CYB5R4: variants seen among roughly 807,000 people sequenced by gnomAD.
CYB5R4 encodes the protein N-terminal cytochrome b5 and cytochrome b5 oxidoreductase domain-containing protein.
In CYB5R4, 55 loss-of-function variants were observed where a neutral mutation model predicts 70.2. That is an observed-to-expected ratio of 0.78 (90% confidence interval 0.63 to 0.98). The LOEUF is 0.98. CYB5R4 is among the 50% of genes least tolerant of loss of function. The pLI is 0.00. For missense variants in CYB5R4, 562 were observed against 612.6 expected (o/e 0.92, Z 0.87); for synonymous variants, 197 against 199.5 (o/e 0.99, Z 0.11).
intron 12 of CYB5R4, among the ~76,000 whole-genome samples, chr6:83,939,099 G>A (rs1421865124): frequency 6.6e-6 from 1 of 152,054 alleles, no homozygotes; most frequent in Non-Finnish European, 1.5e-5. Flanking sequence ...GCCTCCCGAA[G>A]TGCTGGGATT....
intron 14 of CYB5R4, among the ~76,000 whole-genome samples, chr6:83,944,014 C>G (rs560413594): frequency 6.6e-6 from 1 of 152,088 alleles, no homozygotes; most frequent in African/African-American, 2.4e-5. Flanking sequence ...AATACACTTC[C>G]GGATACTATC....
At chr6:83,934,862 A>T (rs760067118) in intron 11 of CYB5R4, 127 bp downstream of exon 11, 2 of 826,440 alleles carry the variant, frequency 2.4e-6, no homozygotes, top group Non-Finnish European at 3.6e-6. Flanking sequence ...AGATTTAGTG[A>T]TAGTCAGAAT....
intron 5 of CYB5R4, among the ~76,000 whole-genome samples, chr6:83,916,025 A>G (rs1216032852): frequency 1.3e-5 from 2 of 152,062 alleles, no homozygotes; most frequent in African/African-American, 4.8e-5. Flanking sequence ...AAATAATATT[A>G]TGTAAAGTTT....
rs2099473875 is a variant in CYB5R4 at position 83,965,212 on chromosome 6, G to C, written c.*5334G>C. Reference sequence around the variant, plus strand: ...CCCCAGAATGGTAGATCGACTTACAGCTTGTACCAGGTGCCTGGAAAAGCT... The same window carrying C: ...CCCCAGAATGGTAGATCGACTTACACCTTGTACCAGGTGCCTGGAAAAGCT... On this transcript the variant is annotated 3_prime_UTR_variant, in exon 16 of 16. Transcript: ENST00000369681. The C allele has an allele frequency of 6.6e-6, 1 of 152,296 alleles. No individual in the cohort carries two copies. The highest frequency in any genetic ancestry group is 2.1e-4 in the South Asian group (1 of 4,830). 9.4% of individuals were successfully genotyped at this position (152,296 alleles called of 1,614,324 possible). A position where few individuals can be genotyped will look rare whatever the true frequency, so the allele number is the denominator to read the frequency against.
At chr6:83,876,558 T>C (rs2099458591) in intron 2 of CYB5R4, among the ~76,000 whole-genome samples, 3 of 151,586 alleles carry the variant, frequency 2.0e-5, no homozygotes. Context: ...TGTATCAGTC[T>C]ACTTTCAAAT....
chr6:83,900,788 A>AC (rs2099462800), intron 3 of CYB5R4, among the ~76,000 whole-genome samples: 1 of 151,926 alleles, frequency 6.6e-6, no homozygotes, highest in Non-Finnish European at 1.5e-5. Flanking sequence ...TAGGATTGCA[A>AC]CCCCTGCCTT....
At chr6:83,949,437 T>C (rs1022510221) in intron 14 of CYB5R4, among the ~76,000 whole-genome samples, 1 of 152,222 alleles carries the variant, frequency 6.6e-6, no homozygotes, top group African/African-American at 2.4e-5. Flanking sequence ...CATCACTCTT[T>C]ACCATATCTT....
intron 5 of CYB5R4, among the ~76,000 whole-genome samples, chr6:83,915,336 A>C (rs554689475): frequency 6.6e-6 from 1 of 152,346 alleles, no homozygotes; most frequent in Admixed American, 6.5e-5. Context: ...TTGCCAGATG[A>C]GTTACCTTTT....
chr6:83,871,686 A>C lies in CYB5R4; in HGVS notation c.229+7358A>C, dbSNP rs181512594. Among the ~76,000 whole-genome samples, 17 of 152,236 alleles carry C rather than the reference A, an allele frequency of 1.1e-4. No individual in the cohort carries two copies. In the South Asian group the frequency reaches 1.2e-3, roughly 11 times the overall value. On this transcript the variant is annotated intron_variant, in intron 2 of 15. Transcript: ENST00000369681. ...TTTAAAAAAGGATATAGGGCTATTT[A>C]AATTTTCTCTTTACTTTTGTGTCAG... is the stretch of plus-strand genomic sequence containing the variant.
chr6:83,869,837 G>T (rs1446457252), intron 2 of CYB5R4, among the ~76,000 whole-genome samples: 1 of 151,250 alleles, frequency 6.6e-6, no homozygotes, highest in East Asian at 1.9e-4. Context: ...AAAAAAAAAA[G>T]TGTCTGTTTT....
chr6:83,899,253 A>G (rs1176810300), intron 3 of CYB5R4, among the ~76,000 whole-genome samples: 2 of 152,100 alleles, frequency 1.3e-5, no homozygotes, highest in Admixed American at 6.5e-5. Context: ...TTCTGTTTAT[A>G]TGCTGGATTA....
chr6:83,954,812 A>G (rs1350218832), intron 14 of CYB5R4, among the ~76,000 whole-genome samples: 1 of 152,042 alleles, frequency 6.6e-6, no homozygotes, highest in Non-Finnish European at 1.5e-5. Flanking sequence ...TCACTGGATC[A>G]AACGATCCTC....
chr6:83,925,381 G>C (rs1588578502), intron 10 of CYB5R4, among the ~76,000 whole-genome samples: 1 of 152,040 alleles, frequency 6.6e-6, no homozygotes, highest in South Asian at 2.1e-4. Flanking sequence ...TCCAACACTG[G>C]GGATTACAAT....
intron 1 of CYB5R4, 114 bp downstream of exon 1, chr6:83,859,971 C>G: frequency 2.0e-6 from 2 of 1,010,088 alleles, no homozygotes; most frequent in Non-Finnish European, 2.8e-6. Context: ...GCTGTCGTTC[C>G]CTGCTGTCCT....
intron 2 of CYB5R4, among the ~76,000 whole-genome samples, chr6:83,877,415 G>T (rs972521052): frequency 1.5e-4 from 23 of 152,008 alleles, no homozygotes; most frequent in Non-Finnish European, 1.6e-4. Flanking sequence ...AAGACAAAAG[G>T]TTTATTTGAC....
chr6:83,959,489 G>A (rs544098264), intron 15 of CYB5R4, among the ~76,000 whole-genome samples: 4 of 152,236 alleles, frequency 2.6e-5, no homozygotes, highest in South Asian at 2.1e-4. Context: ...GATGGAGTGG[G>A]GGTCTGGGGG....
In CYB5R4 at chr6:83,924,568, T is replaced by G. The variant is rs1381277425; in HGVS notation, c.790T>G (p.Ser264Ala). The G allele has an allele frequency of 2.5e-5, 41 of 1,613,428 alleles. No homozygotes were observed. Among genetic ancestry groups the G allele is most frequent in the Non-Finnish European group, 3.5e-5 (41 of 1,179,704 alleles). ...FLGHPLKNHNSLIPRKDTGLY... is the reference protein window; with the variant it reads ...FLGHPLKNHNALIPRKDTGLY... ...TGGCCATCCCCTGAAGAATCATAAT[T>G]CACTTATTCCAAGGAAAGATACAGG... Residue 264 changes from serine (S) to alanine (A), a missense_variant, in exon 10 of 16, where the codon TCA becomes GCA. By Grantham distance (99) the Ser-to-Ala change is moderately conservative. Transcript: ENST00000369681.
intron 3 of CYB5R4, among the ~76,000 whole-genome samples, chr6:83,900,353 CT>C (rs879362164): frequency 3.9e-5 from 6 of 152,088 alleles, no homozygotes; most frequent in Admixed American, 1.3e-4. Flanking sequence ...AATTTCTGTT[CT>C]TTTACTTTTG....
At chr6:83,923,479 G>A (rs1270655499) in intron 9 of CYB5R4, among the ~76,000 whole-genome samples, 5 of 152,066 alleles carry the variant, frequency 3.3e-5, no homozygotes, top group Admixed American at 2.6e-4. Context: ...AATTGTTACT[G>A]GGTGTTGTGT....
Sources: gnomAD v4.1 joint callset for allele counts (sites outside exome capture counted in the v4.1 genomes callset) on GRCh38, gnomAD v4.1.1 for gene constraint, MANE v1.5 for transcripts, NCBI Gene and HGNC (gene_info 2026-07-23, HGNC 2026-07-21) for gene names.